WNT3: variants seen among roughly 807,000 people sequenced by gnomAD.
The protein encoded by WNT3 is Wnt family member 3.
WNT3 carries 7 observed loss-of-function variants against 34.2 expected under a neutral mutation model. The observed-to-expected ratio is 0.20, with a 90% confidence interval of 0.12 to 0.38. The LOEUF (loss-of-function observed/expected upper bound fraction) is 0.38, where lower values mean the gene tolerates loss of function less well. Among genes scored for constraint, WNT3 ranks in the 10% least tolerant of loss-of-function variants. WNT3 has a pLI of 1.00. For missense variants in WNT3, 267 were observed against 499.8 expected, an observed-to-expected ratio of 0.53 and a Z score of 4.44; for synonymous variants, 212 against 211.5, an observed-to-expected ratio of 1.00 and a Z score of -0.02.
At chr17:46,791,510 T>G (rs1226248159) in intron 1 of WNT3, among the ~76,000 whole-genome samples, 1 of 152,114 alleles carries the variant, frequency 6.6e-6, no homozygotes, top group East Asian at 1.9e-4. Context: ...CCCGGCCTCC[T>G]CACTGTTTTC....
At chr17:46,774,105 C>A (rs1424848008) in intron 1 of WNT3, among the ~76,000 whole-genome samples, 196 bp from the exon 2 acceptor site, 3 of 152,266 alleles carry the variant, frequency 2.0e-5, no homozygotes, top group African/African-American at 7.2e-5. Context: ...GCAAGTCAGC[C>A]CTCTGGCTGC....
At chr17:46,813,713 T>C (rs892390019) in intron 1 of WNT3, among the ~76,000 whole-genome samples, 1 of 152,182 alleles carries the variant, frequency 6.6e-6, no homozygotes, top group South Asian at 2.1e-4. Flanking sequence ...TCACCTTTCC[T>C]GTGCCATCCC....
chr17:46,805,698 C>A (rs1236481374), intron 1 of WNT3, among the ~76,000 whole-genome samples: 1 of 152,228 alleles, frequency 6.6e-6, no homozygotes, highest in East Asian at 1.9e-4. Context: ...CTACAGTGGG[C>A]TGTGATTGTA....
rs921570382 is a variant in WNT3, at chr17:46,768,222, G to A, written c.*8+90C>T. 2.5e-6 allele frequency: 4 copies of A among 1,569,812 alleles called. No homozygotes were observed. In the African/African-American group the frequency reaches 4.1e-5, roughly 16 times the overall value. On this transcript the variant is annotated intron_variant, in intron 4 of 4. Transcript: ENST00000225512. This position sits in a 1 kb window ranked among gnomAD's most constrained non-coding sequence, Gnocchi z 5.0. ...GTGTGTCTTGGATAGCTTAGAAACA[G>A]AAGGGGGTCGTCAAGAAGACGAGAT... is the stretch of plus-strand genomic sequence containing the variant.
chr17:46,809,177 G>C (rs865942893), intron 1 of WNT3, among the ~76,000 whole-genome samples: 3 of 152,302 alleles, frequency 2.0e-5, no homozygotes, highest in Middle Eastern at 6.8e-3. Flanking sequence ...ATCATAGGGA[G>C]CCTCAGTACC....
intron 1 of WNT3, among the ~76,000 whole-genome samples, chr17:46,785,503 GC>G (rs1736819520): frequency 6.6e-6 from 1 of 152,218 alleles, no homozygotes; most frequent in African/African-American, 2.4e-5. Context: ...CCGAGGACAG[GC>G]CCCAGGAGCC....
chr17:46,816,281 CAT>C (rs2084345341), intron 1 of WNT3, among the ~76,000 whole-genome samples: 1 of 152,136 alleles, frequency 6.6e-6, no homozygotes, highest in Non-Finnish European at 1.5e-5. Flanking sequence ...TACATACACA[CAT>C]CACAGCACCA....
chr17:46,777,318 T>C (rs539219114), intron 1 of WNT3, among the ~76,000 whole-genome samples: 1 of 152,360 alleles, frequency 6.6e-6, no homozygotes, highest in South Asian at 2.1e-4. Flanking sequence ...CTTGGGGGAC[T>C]GAGGAGTCGG....
chr17:46,768,813 G>A lies in WNT3; in HGVS notation c.589-14C>T, dbSNP rs1350393006. ...GTCCAGGATAGTCTGGGGGAGAGAA[G>A]TGGCAGCTGGCCAACAGACCGACCC... On this transcript the variant is annotated splice_polypyrimidine_tract_variant and intron_variant, in intron 3 of 4. Transcript: ENST00000225512. This position sits in a 1 kb window ranked among gnomAD's most constrained non-coding sequence, Gnocchi z 5.0. 2 of 1,611,264 alleles carry A rather than the reference G, an allele frequency of 1.2e-6. No homozygotes were observed. The highest frequency in any genetic ancestry group is 4.5e-5 in the East Asian group (2 of 44,842).
At chr17:46,783,260 G>T (rs2059477170) in intron 1 of WNT3, among the ~76,000 whole-genome samples, 1 of 152,198 alleles carries the variant, frequency 6.6e-6, no homozygotes, top group African/African-American at 2.4e-5. Context: ...AAGCCCAGTG[G>T]GCTCCTGTCT....
intron 1 of WNT3, among the ~76,000 whole-genome samples, chr17:46,802,269 T>TTTTA (rs901562522): frequency 6.6e-6 from 1 of 152,130 alleles, no homozygotes; most frequent in Non-Finnish European, 1.5e-5. Context: ...CTTTCTTTTC[T>TTTTA]TTTATTTATT....
At chr17:46,795,364 C>T (rs994475577) in intron 1 of WNT3, among the ~76,000 whole-genome samples, 1 of 152,170 alleles carries the variant, frequency 6.6e-6, no homozygotes, top group Admixed American at 6.5e-5. Flanking sequence ...AGACAGCTGA[C>T]CCTGTGACTT....
intron 1 of WNT3, among the ~76,000 whole-genome samples, chr17:46,801,585 A>G (rs374057535): frequency 3.9e-5 from 5 of 126,950 alleles, no homozygotes; most frequent in African/African-American, 1.5e-4. Flanking sequence ...GCGCCATTAC[A>G]CTCCACTCTG....
chr17:46,779,099 A>ACCCCCC, intron 1 of WNT3, among the ~76,000 whole-genome samples: 1 of 128,644 alleles, frequency 7.8e-6, no homozygotes, highest in East Asian at 3.1e-4. Context: ...ACACACACAC[A>ACCCCCC]CACACCCCAG....
chr17:46,803,672 T>TGCCCATCCCTTCTGCATCCC (rs1337055689), intron 1 of WNT3, among the ~76,000 whole-genome samples: 16 of 152,350 alleles, frequency 1.1e-4, no homozygotes, highest in Middle Eastern at 3.4e-3. Context: ...GCCTGCAGCC[T>TGCCCATCCCTTCTGCATCCC]GCCCATCCCT....
intron 2 of WNT3, among the ~76,000 whole-genome samples, chr17:46,772,011 C>T (rs879714898): frequency 9.9e-5 from 15 of 151,380 alleles, no homozygotes; most frequent in Non-Finnish European, 1.8e-4. Context: ...CCCCGGGCTG[C>T]CCGACCCGCT....
Position 46,762,980 on chromosome 17 carries a change from A to C in WNT3, c.*1650T>G, listed in dbSNP as rs2059281272. On this transcript the variant is annotated 3_prime_UTR_variant, in exon 5 of 5. Coordinates refer to ENST00000225512, the MANE Select transcript of WNT3 (RefSeq NM_030753.5). ...GACATGATTTAAAACTTTTCAGTCTAAGGTGAGATGGGGAGGGGCATTTCA... is the reference window on the plus strand; with the variant it reads ...GACATGATTTAAAACTTTTCAGTCTCAGGTGAGATGGGGAGGGGCATTTCA... The C allele has an allele frequency of 6.6e-6, 1 of 152,228 alleles. No homozygotes were observed. Among genetic ancestry groups the C allele is most frequent in the Non-Finnish European group, 1.5e-5 (1 of 68,038 alleles). The allele number at this position is 152,228 out of a possible 1,614,324, so 9.4% of individuals were successfully genotyped here.
At chr17:46,789,669 G>C (rs1426722575) in intron 1 of WNT3, among the ~76,000 whole-genome samples, 1 of 152,230 alleles carries the variant, frequency 6.6e-6, no homozygotes, top group Non-Finnish European at 1.5e-5. Context: ...TCAGAGCAGG[G>C]TTTGAACCCA....
chr17:46,787,576 G>T (rs949048707), intron 1 of WNT3, among the ~76,000 whole-genome samples: 1 of 152,202 alleles, frequency 6.6e-6, no homozygotes, highest in African/African-American at 2.4e-5. Context: ...ATAGCACGCA[G>T]ATCGTTCTTG....
Sources: gnomAD v4.1 joint callset for allele counts (sites outside exome capture counted in the v4.1 genomes callset) on GRCh38, gnomAD v4.1.1 for gene constraint, Gnocchi (gnomAD v3.1) non-coding constraint, MANE v1.5 for transcripts, NCBI Gene and HGNC (gene_info 2026-07-23, HGNC 2026-07-21) for gene names.